Variants in CCDC88C observed in about 807,000 individuals in gnomAD.
CCDC88C encodes coiled-coil and HOOK domain protein 88C.
Under a neutral mutation model 198.8 loss-of-function variants are expected in CCDC88C, and 131 were observed. The observed-to-expected ratio is 0.66, with a 90% confidence interval of 0.57 to 0.76. The LOEUF (loss-of-function observed/expected upper bound fraction) is 0.76. Ranked by LOEUF, CCDC88C falls within the 30% of genes least tolerant of loss-of-function variation. The pLI, the probability that CCDC88C is intolerant of heterozygous loss-of-function variation, is 0.00. For synonymous variants in CCDC88C, 1,166 were observed against 1,114.7 expected, an observed-to-expected ratio of 1.05 and a Z score of -0.92; for missense variants, 2,553 against 2,631.6, an observed-to-expected ratio of 0.97 and a Z score of 0.65.
intron 3 of CCDC88C, among the ~76,000 whole-genome samples, chr14:91,405,543 G>A (rs1886437954): frequency 6.6e-6 from 1 of 152,018 alleles, no homozygotes; most frequent in Non-Finnish European, 1.5e-5. Context: ...AATGTTAGGT[G>A]GGAGGGAAAA....
chr14:91,394,367 G>A (rs558099126), intron 3 of CCDC88C, among the ~76,000 whole-genome samples: 2 of 152,174 alleles, frequency 1.3e-5, no homozygotes, highest in Admixed American at 6.5e-5. Flanking sequence ...AACAGTCAGG[G>A]TCTGGGTCCC....
chr14:91,275,388 T>C (rs1889910826), intron 29 of CCDC88C, among the ~76,000 whole-genome samples: 1 of 151,714 alleles, frequency 6.6e-6, no homozygotes, highest in South Asian at 2.1e-4. Flanking sequence ...ATAAGGGGCA[T>C]ATAACAAAAA....
In CCDC88C at chr14:91,402,579, C is replaced by T. The variant is rs561872632; in HGVS notation, c.270+6080G>A. Among the ~76,000 whole-genome samples, 19 of 152,182 alleles carry T rather than the reference C, an allele frequency of 1.2e-4. No homozygotes were observed. The South Asian group carries it at 2.7e-3, about 22-fold the overall frequency. ...AACACACACACATAAACACAGCAAG[C>T]GGATAAAAGTGTTAAGTAGATACCA... On this transcript the variant is annotated intron_variant, in intron 3 of 29. Coordinates refer to ENST00000389857, the MANE Select transcript of CCDC88C (RefSeq NM_001080414.4).
intron 2 of CCDC88C, among the ~76,000 whole-genome samples, chr14:91,411,938 G>A (rs1350646547): frequency 6.7e-6 from 1 of 149,664 alleles, no homozygotes; most frequent in East Asian, 2.0e-4. Context: ...ACTCCAGCCT[G>A]TGCAACAGAG....
chr14:91,394,825 G>C (rs1350673677), intron 3 of CCDC88C, among the ~76,000 whole-genome samples: 1 of 152,216 alleles, frequency 6.6e-6, no homozygotes, highest in African/African-American at 2.4e-5. Context: ...ACACTCGCAA[G>C]ATTAATCCAA....
At chr14:91,302,915 C>T (rs1891366129) in intron 20 of CCDC88C, among the ~76,000 whole-genome samples, 1 of 152,194 alleles carries the variant, frequency 6.6e-6, no homozygotes. Flanking sequence ...CAGAAGAGAA[C>T]CCTTAGGGAT....
rs1328918600 is a variant in CCDC88C at position 91,411,240 on chromosome 14, T to C, written c.162-2473A>G. ...GCCCAGCACCCCCGTAACTCCCACC[T>C]TTCCATGCTGTACAAAATGGGAATC... is the stretch of plus-strand genomic sequence containing the variant. On this transcript the variant is annotated intron_variant, in intron 2 of 29. Transcript: ENST00000389857. Among the ~76,000 whole-genome samples, 4 of 152,158 alleles carry C rather than the reference T, an allele frequency of 2.6e-5. 1 individual carries two copies. Among genetic ancestry groups the C allele is most frequent in the African/African-American group, 9.7e-5 (4 of 41,440 alleles).
chr14:91,341,410 C>A (rs1893306431), intron 6 of CCDC88C, among the ~76,000 whole-genome samples: 2 of 152,180 alleles, frequency 1.3e-5, no homozygotes, highest in African/African-American at 4.8e-5. Flanking sequence ...TGGGGCCCAG[C>A]ACCCAAATTT....
At chr14:91,307,728 A>G (rs1415351157) in intron 17 of CCDC88C, among the ~76,000 whole-genome samples, 3 of 152,214 alleles carry the variant, frequency 2.0e-5, no homozygotes, top group African/African-American at 4.8e-5. Context: ...GAGTGTGCAC[A>G]TTGAGAGCAC....
chr14:91,282,981 C>A (rs1890258446), intron 26 of CCDC88C, among the ~76,000 whole-genome samples: 1 of 152,204 alleles, frequency 6.6e-6, no homozygotes, highest in Admixed American at 6.5e-5. Context: ...AAACTTTTAC[C>A]AAGGTAGGGC....
chr14:91,306,968 A>G (rs1194847064), intron 18 of CCDC88C, 70 bp downstream of exon 18: 40 of 1,425,800 alleles, frequency 2.8e-5, no homozygotes, highest in South Asian at 1.8e-4. Context: ...CAAGTCATCA[A>G]TGGGACTACT....
At chr14:91,415,674 C>T (rs1289233451) in intron 2 of CCDC88C, among the ~76,000 whole-genome samples, 1 of 151,340 alleles carries the variant, frequency 6.6e-6, no homozygotes, top group African/African-American at 2.4e-5. Context: ...GAGCTGAGAT[C>T]ACGCCATTGC....
At chr14:91,334,044 G>A (rs1011236795) in intron 10 of CCDC88C, among the ~76,000 whole-genome samples, 1 of 152,134 alleles carries the variant, frequency 6.6e-6, no homozygotes, top group African/African-American at 2.4e-5. Context: ...CTGAAAGGTC[G>A]AAATAATTGT....
At chr14:91,356,716 T>A (rs1894051961) in intron 4 of CCDC88C, among the ~76,000 whole-genome samples, 1 of 152,128 alleles carries the variant, frequency 6.6e-6, no homozygotes, top group Non-Finnish European at 1.5e-5. Flanking sequence ...AAAATCAGCA[T>A]CCACATCTTT....
chr14:91,279,178 A>G (rs2139721212), intron 28 of CCDC88C, 60 bp downstream of exon 28: 1 of 1,411,796 alleles, frequency 7.1e-7, no homozygotes, highest in Non-Finnish European at 9.8e-7. Context: ...GATTATAGGC[A>G]TGAGCCACTG....
intron 10 of CCDC88C, among the ~76,000 whole-genome samples, chr14:91,333,890 A>T (rs114302345): frequency 0.014 from 2,175 of 152,348 alleles, 62 homozygotes; most frequent in African/African-American, 0.049. Flanking sequence ...TCACAGCTTT[A>T]AACTGATCAG....
At position 91,281,457 on chromosome 14, in the gene CCDC88C, C is replaced by A; in HGVS notation, c.4699G>T (p.Val1567Leu). 2 of 1,613,894 alleles carry A rather than the reference C, an allele frequency of 1.2e-6. No homozygotes were observed. The highest frequency in any genetic ancestry group is 1.7e-6 in the Non-Finnish European group (2 of 1,179,802). The stretch of plus-strand genomic sequence containing the variant: ...AGGACACAGCACCCTCCCTACTCAC[C>A]GTACTGCCTGTGGTTGGGGACCTCA... ...EFEVPNHRQY[V>L]SRPSSLESSR... Residue 1567 changes from valine to leucine, a missense_variant and splice_region_variant, in exon 27 of 30, where the codon GTG (valine) becomes TTG (leucine). Physicochemically the swap from Val to Leu is conservative, Grantham distance 32. Around this residue, in one of 2 missense-constraint regions of CCDC88C, gnomAD observed 1,293 missense variants for 1,219.6 expected, o/e 1.06. Coordinates refer to ENST00000389857, the MANE Select transcript of CCDC88C (RefSeq NM_001080414.4).
At chr14:91,299,781 TATTTTACCCACCC>T in intron 21 of CCDC88C, 133 bp downstream of exon 21, 2 of 1,143,090 alleles carry the variant, frequency 1.7e-6, no homozygotes, top group Non-Finnish European at 1.2e-6. Flanking sequence ...CCCTTTAGCT[TATTTTACCCACCC>T]AGCTGTTCAC....
intron 4 of CCDC88C, among the ~76,000 whole-genome samples, chr14:91,356,115 A>AT (rs1212703640): frequency 1.3e-5 from 2 of 152,350 alleles, no homozygotes; most frequent in East Asian, 3.9e-4. Context: ...GTTTAAAAAG[A>AT]AACGAAAAGA....
Sources: gnomAD v4.1 joint callset for allele counts (sites outside exome capture counted in the v4.1 genomes callset) on GRCh38, gnomAD v4.1.1 for gene constraint, gnomAD v4.1.1 regional missense constraint, MANE v1.5 for transcripts, NCBI Gene and HGNC (gene_info 2026-07-23, HGNC 2026-07-21) for gene names.